The following RELN variants were observed in gnomAD, a reference collection of about 807,000 sequenced individuals.
The protein encoded by RELN is reelin.
Under a neutral mutation model 427.6 loss-of-function variants are expected in RELN, and 108 were observed. The observed-to-expected ratio is 0.25, with a 90% CI of 0.22 to 0.30. RELN has a LOEUF of 0.30. RELN is among the 10% of genes least tolerant of loss of function. The pLI is 1.00. For missense variants in RELN, 3,715 were observed against 4,302.8 expected (o/e 0.86, Z 3.82); for synonymous variants, 1,524 against 1,513.4 (o/e 1.01, Z -0.16).
Position 103,989,271 on chromosome 7 carries a change from T to C in RELN, c.86A>G (p.Tyr29Cys), listed in dbSNP as rs753710957. The change falls in exon 1 of 65, where the codon TAT (tyrosine) becomes TGT (cysteine). Residue 29 changes from tyrosine (Y) to cysteine (C), a missense_variant. Coordinates refer to ENST00000428762, the MANE Select transcript of RELN (RefSeq NM_005045.4). The surrounding 1 kb of genome is among the most constrained non-coding windows in gnomAD (Gnocchi z 4.9). ...AAAGAAGGGCGAAAAGCGGGGGTAA[T>C]AGCCAGCCGCCGCGCGCGCCCTCAG... ...ATLRARAAAG[Y>C]YPRFSPFFFL... 2.5e-6 allele frequency: 4 copies of C among 1,613,392 alleles called. No individual in the cohort carries two copies. The highest frequency in any genetic ancestry group is 2.5e-6 in the Non-Finnish European group (3 of 1,179,872).
At chr7:103,584,810 G>T (rs1387177174) in intron 28 of RELN, among the ~76,000 whole-genome samples, 1 of 152,076 alleles carries the variant, frequency 6.6e-6, no homozygotes, top group African/African-American at 2.4e-5. Context: ...CATATGCTAG[G>T]CCACAAAGCA....
intron 20 of RELN, among the ~76,000 whole-genome samples, chr7:103,617,966 C>G (rs1475964659): frequency 1.3e-5 from 2 of 152,134 alleles, no homozygotes. Flanking sequence ...CACTGGCTCC[C>G]CTTCTCCTTC....
chr7:103,487,838 G>A (rs1828499133), intron 60 of RELN, among the ~76,000 whole-genome samples: 1 of 152,118 alleles, frequency 6.6e-6, no homozygotes, highest in South Asian at 2.1e-4. Flanking sequence ...ACAATATTTA[G>A]CACATATAAG....
rs768499951 is a variant in RELN at position 103,917,180 on chromosome 7, T to C, written c.232A>G (p.Ile78Val). 1.9e-6 allele frequency: 3 copies of C among 1,612,468 alleles called. No individual in the cohort carries two copies. The Admixed American group carries it at 5.0e-5, about 27-fold the overall frequency. The change falls in exon 2 of 65, where the codon ATT becomes GTT. Residue 78 changes from isoleucine (I) to valine (V), a missense_variant. By Grantham distance (29) the Ile-to-Val change is conservative (BLOSUM62 3). Coordinates refer to ENST00000428762, the MANE Select transcript of RELN (RefSeq NM_005045.4). ...CCGTCAAAAAAGGTGCTTGTTGAAA[T>C]TGTCACTGAAATGTAAGAAAGAAAA... ...YVPGQEYHVTISTSTFFDGLL... is the reference protein window; with the variant it reads ...YVPGQEYHVTVSTSTFFDGLL...
At chr7:103,762,420 A>C (rs1463843468) in intron 4 of RELN, among the ~76,000 whole-genome samples, 1 of 152,230 alleles carries the variant, frequency 6.6e-6, no homozygotes, top group African/African-American at 2.4e-5. Context: ...CACTCTAACT[A>C]CAATAGTTAA....
intron 28 of RELN, among the ~76,000 whole-genome samples, chr7:103,577,673 T>C (rs1019523513): frequency 1.3e-5 from 2 of 151,848 alleles, no homozygotes; most frequent in African/African-American, 4.8e-5. Context: ...TTGAAGGAAG[T>C]AAATGGAATT....
At chr7:103,772,967 T>C (rs1306706062) in intron 4 of RELN, among the ~76,000 whole-genome samples, 1 of 152,052 alleles carries the variant, frequency 6.6e-6, no homozygotes. Flanking sequence ...AGCAGTTCTG[T>C]AAAGGCACCA....
chr7:103,967,842 T>A (rs1001815643), intron 1 of RELN, among the ~76,000 whole-genome samples: 1 of 152,222 alleles, frequency 6.6e-6, no homozygotes, highest in Non-Finnish European at 1.5e-5. Flanking sequence ...TCAAGGTCCA[T>A]ACCGGAACCA....
At chr7:103,831,150 T>C (rs1403334688) in intron 3 of RELN, among the ~76,000 whole-genome samples, 1 of 152,114 alleles carries the variant, frequency 6.6e-6, no homozygotes, top group Non-Finnish European at 1.5e-5. Flanking sequence ...GGCAGTTCTA[T>C]ATTGCTGATA....
At chr7:103,729,249 C>T (rs1160084493) in intron 6 of RELN, among the ~76,000 whole-genome samples, 1 of 152,190 alleles carries the variant, frequency 6.6e-6, no homozygotes, top group South Asian at 2.1e-4. Flanking sequence ...GGGCACTATG[C>T]CCTTTGTTTA....
chr7:103,695,400 T>C (rs891978011), intron 10 of RELN, among the ~76,000 whole-genome samples: 1 of 152,126 alleles, frequency 6.6e-6, no homozygotes, highest in African/African-American at 2.4e-5. Flanking sequence ...ATGATTTTTT[T>C]TCCCTTAATA....
intron 11 of RELN, among the ~76,000 whole-genome samples, chr7:103,672,952 T>C (rs1833426444): frequency 6.6e-6 from 1 of 152,154 alleles, no homozygotes; most frequent in Admixed American, 6.6e-5. Flanking sequence ...TATGCCTCCT[T>C]GCTGCTTCTG....
Position 103,572,216 on chromosome 7 carries a change from A to G in RELN, c.4556T>C (p.Ile1519Thr), listed in dbSNP as rs1830897999. ...YIQIGSKTSG[I>T]TCIKPRTRNE... Reference sequence around the variant, plus strand: ...TCTAGTTCTTGGTTTGATGCAGGTAATGCCTGAAGTTTTGCTTCCAATTTG... The same window carrying G: ...TCTAGTTCTTGGTTTGATGCAGGTAGTGCCTGAAGTTTTGCTTCCAATTTG... Residue 1519 changes from isoleucine to threonine, a missense_variant, in exon 31 of 65, where the codon ATT (isoleucine) becomes ACT (threonine). Ile to Thr is a moderately conservative substitution (Grantham distance 89). This residue lies in a region of RELN where 2,208 missense variants were observed against 2,361.7 expected (regional missense o/e 0.93). Transcript: ENST00000428762. The G allele has an allele frequency of 6.3e-7, 1 of 1,597,626 alleles. No homozygotes were observed. The highest frequency in any genetic ancestry group is 1.3e-5 in the African/African-American group (1 of 74,532).
intron 6 of RELN, among the ~76,000 whole-genome samples, chr7:103,736,463 C>A (rs1036993246): frequency 7.2e-5 from 11 of 152,162 alleles, no homozygotes; most frequent in African/African-American, 2.7e-4. Flanking sequence ...GGAGCTAACA[C>A]ATACTGTAAA....
chr7:103,566,113 C>CA, intron 33 of RELN, 111 bp downstream of exon 33: 1 of 924,208 alleles, frequency 1.1e-6, no homozygotes, highest in Admixed American at 1.9e-5. Context: ...CCACCCTCAG[C>CA]ATGGGTAGTT....
rs78218774 is a variant in RELN, at chr7:103,489,791, G to A, written c.9714C>T (p.His3238=). 2.0e-3 allele frequency: 3,208 copies of A among 1,614,140 alleles called. 51 individuals are homozygous for A. The African/African-American group carries it at 0.037, about 19-fold the overall frequency. ...AGATGGCACCGGTCGTGCAGTATCC[G>A]TGCCCGCTGCAGAGCTTGGGGCAAG... ...GEACPKLCSG[H]GYCTTGAICI... The change falls in exon 60 of 65, where the codon CAC becomes CAT. Residue 3238 remains histidine (H), a synonymous_variant. Transcript: ENST00000428762.
chr7:103,649,723 T>C (rs1012075332), intron 16 of RELN, among the ~76,000 whole-genome samples: 1 of 108,832 alleles, frequency 9.2e-6, no homozygotes, highest in Non-Finnish European at 1.9e-5. Context: ...ATTCCAAAAA[T>C]TCACTTGAAA....
intron 52 of RELN, 52 bp downstream of exon 52, chr7:103,502,964 G>C: frequency 7.0e-7 from 1 of 1,436,262 alleles, no homozygotes; most frequent in South Asian, 1.2e-5. Flanking sequence ...TGTACCTAAT[G>C]GTGTACCTTC....
intron 1 of RELN, among the ~76,000 whole-genome samples, chr7:103,965,029 T>G (rs574441001): frequency 6.6e-6 from 1 of 152,242 alleles, no homozygotes; most frequent in Non-Finnish European, 1.5e-5. Context: ...TGAAGCAATG[T>G]TGAAAACTGC....
Sources: allele counts gnomAD v4.1 joint callset (sites outside exome capture counted in the v4.1 genomes callset), GRCh38; gene constraint gnomAD v4.1.1; regional missense constraint gnomAD v4.1.1; non-coding constraint Gnocchi (gnomAD v3.1); transcripts MANE v1.5; gene names NCBI Gene and HGNC (gene_info 2026-07-23, HGNC 2026-07-21).